The following SCFD2 variants were observed in gnomAD, a reference collection of about 807,000 sequenced individuals.
The protein encoded by SCFD2 is sec1 family domain containing 2, also known as sec1 family domain-containing protein 2.
SCFD2 carries 54 observed loss-of-function variants against 58.9 expected under a neutral mutation model. The ratio of observed to expected loss-of-function variants is 0.92; its 90% CI spans 0.74 to 1.15. The LOEUF is 1.15. Among genes scored for constraint, SCFD2 ranks in the 50% most tolerant of loss-of-function variants. The probability of loss-of-function intolerance (pLI) is 0.00; values close to 1 mark genes in which losing one functional copy is unlikely to be tolerated. For missense variants in SCFD2, 805 were observed against 836.6 expected, an observed-to-expected ratio of 0.96 and a Z score of 0.47; for synonymous variants, 321 against 335.9, an observed-to-expected ratio of 0.96 and a Z score of 0.49.
intron 5 of SCFD2, among the ~76,000 whole-genome samples, chr4:53,031,249 T>C (rs1251433524): frequency 6.6e-6 from 1 of 152,172 alleles, no homozygotes; most frequent in Non-Finnish European, 1.5e-5. Flanking sequence ...AGACCCCATC[T>C]GAAGGTTACC....
rs146287818 is a variant in SCFD2 at position 53,070,024 on chromosome 4, G to T, written c.1561+75309C>A. ...TTAGTAAGACCATTTTGAGGGAAGG[G>T]GTCGTGTGTTTCAATGTTGACATCT... On this transcript the variant is annotated intron_variant, in intron 5 of 8. Coordinates refer to ENST00000401642, the MANE Select transcript of SCFD2 (RefSeq NM_152540.4). Among the ~76,000 whole-genome samples, 476 of 151,992 alleles carry T rather than the reference G, an allele frequency of 3.1e-3. 2 individuals are homozygous for T. Among genetic ancestry groups the T allele is most frequent in the African/African-American group, 8.3e-3 (346 of 41,476 alleles).
chr4:53,038,348 C>A (rs1722814186), intron 5 of SCFD2, among the ~76,000 whole-genome samples: 1 of 152,090 alleles, frequency 6.6e-6, no homozygotes, highest in African/African-American at 2.4e-5. Context: ...AGGAAATCTG[C>A]CAAAATGAAA....
chr4:53,262,190 G>C (rs1419692323), intron 4 of SCFD2, among the ~76,000 whole-genome samples: 1 of 151,712 alleles, frequency 6.6e-6, no homozygotes. Flanking sequence ...CTTGGTTGGT[G>C]AATTCTTATC....
chr4:53,282,067 T>C (rs890077601), intron 3 of SCFD2, among the ~76,000 whole-genome samples: 16 of 152,238 alleles, frequency 1.1e-4, no homozygotes, highest in Non-Finnish European at 1.8e-4. Context: ...TCTATTCTCC[T>C]GTACTTTGAA....
intron 5 of SCFD2, among the ~76,000 whole-genome samples, chr4:53,093,794 C>A (rs1161527332): frequency 6.6e-6 from 1 of 151,794 alleles, no homozygotes. Flanking sequence ...AGATGTATAT[C>A]TTTGCAGGAG....
intron 5 of SCFD2, among the ~76,000 whole-genome samples, chr4:52,964,357 C>A (rs1212953886): frequency 6.6e-6 from 1 of 152,132 alleles, no homozygotes; most frequent in Non-Finnish European, 1.5e-5. Context: ...GAATCCAATC[C>A]AGTGTTAAGT....
intron 4 of SCFD2, among the ~76,000 whole-genome samples, chr4:53,250,988 A>G (rs188120650): frequency 1.3e-5 from 2 of 152,362 alleles, no homozygotes; most frequent in African/African-American, 2.4e-5. Context: ...CAAACTTGAT[A>G]GACTAATAAA....
chr4:52,904,717 G>A (rs973931653), intron 7 of SCFD2, among the ~76,000 whole-genome samples: 1 of 152,204 alleles, frequency 6.6e-6, no homozygotes, highest in Non-Finnish European at 1.5e-5. Context: ...TAACATATGA[G>A]TATATGAATA....
At chr4:53,116,001 T>G (rs1365600880) in intron 5 of SCFD2, among the ~76,000 whole-genome samples, 1 of 152,172 alleles carries the variant, frequency 6.6e-6, no homozygotes, top group Non-Finnish European at 1.5e-5. Flanking sequence ...TTGGATGGGC[T>G]GATTTCCCCT....
intron 5 of SCFD2, among the ~76,000 whole-genome samples, chr4:53,034,705 G>C (rs1215053055): frequency 6.6e-6 from 1 of 152,134 alleles, no homozygotes; most frequent in Non-Finnish European, 1.5e-5. Flanking sequence ...GCCAAATTAT[G>C]AGTGAACTCC....
intron 5 of SCFD2, among the ~76,000 whole-genome samples, chr4:53,088,705 A>G (rs1724382991): frequency 6.6e-6 from 1 of 152,144 alleles, no homozygotes; most frequent in Non-Finnish European, 1.5e-5. Flanking sequence ...TATCTGATTT[A>G]GATGATATTT....
intron 5 of SCFD2, among the ~76,000 whole-genome samples, chr4:52,993,630 A>C (rs923981504): frequency 1.1e-4 from 16 of 152,160 alleles, no homozygotes; most frequent in African/African-American, 3.6e-4. Context: ...AGACAGTGGC[A>C]AGGGGCTGGC....
At chr4:53,272,345 T>A (rs1476554355) in intron 4 of SCFD2, among the ~76,000 whole-genome samples, 10 of 152,140 alleles carry the variant, frequency 6.6e-5, no homozygotes, top group Admixed American at 6.5e-4. Flanking sequence ...GCCATCCCAT[T>A]ACTGGGTATA....
At chr4:53,246,274 G>A (rs115850249) in intron 4 of SCFD2, among the ~76,000 whole-genome samples, 2,768 of 152,214 alleles carry the variant, frequency 0.018, 91 homozygotes, top group African/African-American at 0.063. Flanking sequence ...ACTGCCCAAA[G>A]CAATGTACAG....
At chr4:53,227,418 T>A (rs902930435) in intron 4 of SCFD2, among the ~76,000 whole-genome samples, 1 of 152,178 alleles carries the variant, frequency 6.6e-6, no homozygotes, top group African/African-American at 2.4e-5. Flanking sequence ...ATATAAGCCA[T>A]CTATAGAAGG....
At chr4:53,096,403 T>G (rs1370838101) in intron 5 of SCFD2, among the ~76,000 whole-genome samples, 1 of 152,160 alleles carries the variant, frequency 6.6e-6, no homozygotes, top group Non-Finnish European at 1.5e-5. Flanking sequence ...TTTTAATGAT[T>G]GCCATTCTAA....
chr4:53,252,785 C>G (rs1488633529), intron 4 of SCFD2, among the ~76,000 whole-genome samples: 3 of 152,094 alleles, frequency 2.0e-5, no homozygotes, highest in South Asian at 2.1e-4. Flanking sequence ...CATAAAAACC[C>G]TAGAAGAAAA....
chr4:53,186,972 A>G (rs751421421), intron 4 of SCFD2, among the ~76,000 whole-genome samples: 1 of 152,106 alleles, frequency 6.6e-6, no homozygotes, highest in Admixed American at 6.6e-5. Flanking sequence ...TTCAAAACAA[A>G]CCAATTAAGG....
chr4:52,875,105 G>A (rs1718440252), intron 8 of SCFD2, among the ~76,000 whole-genome samples: 1 of 152,178 alleles, frequency 6.6e-6, no homozygotes, highest in African/African-American at 2.4e-5. Flanking sequence ...CACACATACA[G>A]TCAGCGGCTG....
Sources: allele counts gnomAD v4.1 joint callset (sites outside exome capture counted in the v4.1 genomes callset), GRCh38; gene constraint gnomAD v4.1.1; transcripts MANE v1.5; gene names NCBI Gene and HGNC (gene_info 2026-07-23, HGNC 2026-07-21).